The following FRMD6 variants were observed in gnomAD, a reference collection of about 807,000 sequenced individuals.
The protein encoded by FRMD6 is FERM domain-containing protein 6.
FRMD6 carries 37 observed loss-of-function variants against 73.2 expected under a neutral mutation model. The ratio of observed to expected loss-of-function variants is 0.51; its 90% CI spans 0.39 to 0.66. FRMD6 has a LOEUF of 0.66. Ranked by LOEUF, FRMD6 falls within the 30% of genes least tolerant of loss-of-function variation. FRMD6 has a pLI of 0.00. For missense variants in FRMD6, 714 were observed against 780.5 expected, an observed-to-expected ratio of 0.91 and a Z score of 1.02; for synonymous variants, 273 against 282.2, an observed-to-expected ratio of 0.97 and a Z score of 0.33.
the FRMD6 span, among the ~76,000 whole-genome samples, chr14:51,407,157 T>A: frequency 6.6e-6 from 1 of 152,166 alleles, no homozygotes; most frequent in Non-Finnish European, 1.5e-5. Flanking sequence ...TAGTATTATT[T>A]TTTTTAAATG....
At position 51,629,499 on chromosome 14, in the gene FRMD6, G is replaced by C. The variant is rs118155176; in HGVS notation, c.-147+59089G>C. On this transcript the variant is annotated intron_variant, in intron 2 of 14. Coordinates refer to the FRMD6 transcript ENST00000356218. ...CTACCAGCAGTGTATGGGGGTTCCA[G>C]TTGTTCCACATCCTTGTCAACACTT... Among the ~76,000 whole-genome samples the C allele has an allele frequency of 9.7e-4, 147 of 152,288 alleles. 1 individual carries two copies. In the East Asian group the frequency reaches 0.024, roughly 25 times the overall value.
chr14:51,668,967 C>T (rs1311453215), intron 1 of FRMD6, among the ~76,000 whole-genome samples: 1 of 152,046 alleles, frequency 6.6e-6, no homozygotes, highest in Non-Finnish European at 1.5e-5. Flanking sequence ...CCATGCCTGC[C>T]CAAAATCAGC....
At chr14:51,676,272 C>A (rs1894385970) in intron 1 of FRMD6, among the ~76,000 whole-genome samples, 2 of 152,094 alleles carry the variant, frequency 1.3e-5, no homozygotes, top group Non-Finnish European at 2.9e-5. Context: ...ATAAATTTTT[C>A]ATTTGATTGC....
chr14:51,497,637 A>G (rs1831429472), intron 1 of FRMD6, among the ~76,000 whole-genome samples: 1 of 152,272 alleles, frequency 6.6e-6, no homozygotes, highest in Non-Finnish European at 1.5e-5. Context: ...GATGCAGTGT[A>G]TCTAAAACAT....
At chr14:51,606,449 T>C (rs994219872) in intron 2 of FRMD6, among the ~76,000 whole-genome samples, 1 of 152,148 alleles carries the variant, frequency 6.6e-6, no homozygotes, top group African/African-American at 2.4e-5. Flanking sequence ...CTGCAGGCCT[T>C]TTCCAAGGAA....
chr14:51,707,427 G>C (rs1351393472), intron 6 of FRMD6, among the ~76,000 whole-genome samples: 1 of 152,024 alleles, frequency 6.6e-6, no homozygotes, highest in East Asian at 1.9e-4. Flanking sequence ...CTTTCTCTTA[G>C]CCTGCAGCTG....
At chr14:51,412,221 C>T in the FRMD6 span, among the ~76,000 whole-genome samples, 1 of 152,002 alleles carries the variant, frequency 6.6e-6, no homozygotes, top group African/African-American at 2.4e-5. Flanking sequence ...CTTTAGTCAT[C>T]CTTGTATTTT....
intron 1 of FRMD6, among the ~76,000 whole-genome samples, chr14:51,551,773 G>T (rs6572773): frequency 6.6e-6 from 1 of 151,590 alleles, no homozygotes; most frequent in South Asian, 2.1e-4. Context: ...TATAATATAT[G>T]TAATACATTT....
chr14:51,576,411 C>T (rs985590304), intron 2 of FRMD6, among the ~76,000 whole-genome samples: 24 of 152,188 alleles, frequency 1.6e-4, no homozygotes, highest in Admixed American at 7.9e-4. Context: ...TTCAACATAA[C>T]GTAGTTTGCC....
the FRMD6 span, among the ~76,000 whole-genome samples, chr14:51,470,871 A>G: frequency 6.6e-6 from 1 of 152,190 alleles, no homozygotes; most frequent in Non-Finnish European, 1.5e-5. Context: ...TACACTCTGT[A>G]TATTTCATTC....
the FRMD6 span, among the ~76,000 whole-genome samples, chr14:51,447,298 A>G: frequency 3.3e-5 from 5 of 152,206 alleles, no homozygotes; most frequent in South Asian, 1.0e-3. Context: ...ATGCCCTTGG[A>G]AAACACATTG....
chr14:51,529,791 A>G (rs116840188), intron 1 of FRMD6, among the ~76,000 whole-genome samples: 193 of 152,316 alleles, frequency 1.3e-3, no homozygotes, highest in African/African-American at 4.3e-3. Flanking sequence ...CCTTTCTTCC[A>G]GTTAAAGTGA....
In FRMD6 at chr14:51,629,126, G is replaced by A. The variant is rs189044290; in HGVS notation, c.-147+58716G>A. Among the ~76,000 whole-genome samples the A allele has an allele frequency of 2.6e-3, 394 of 152,134 alleles. 4 individuals carry two copies. In the Middle Eastern group the frequency reaches 0.034, roughly 13 times the overall value. On this transcript the variant is annotated intron_variant, in intron 2 of 14. Coordinates refer to the FRMD6 transcript ENST00000356218. Reference sequence around the variant, plus strand: ...TTCCTCCTGATCTTGTGATCCGCCCGCCTCGCCCTCCCAAAGTGCTGGGAT... The same window carrying A: ...TTCCTCCTGATCTTGTGATCCGCCCACCTCGCCCTCCCAAAGTGCTGGGAT...
At chr14:51,445,126 G>T in the FRMD6 span, among the ~76,000 whole-genome samples, 2 of 152,296 alleles carry the variant, frequency 1.3e-5, no homozygotes, top group African/African-American at 4.8e-5. Flanking sequence ...GCATAGATTT[G>T]CTCCCTGCCA....
chr14:51,550,716 T>G (rs192005313), intron 1 of FRMD6, among the ~76,000 whole-genome samples: 115 of 152,260 alleles, frequency 7.6e-4, no homozygotes, highest in African/African-American at 1.9e-3. Flanking sequence ...ACTGTAACTC[T>G]CCTACTCACT....
chr14:51,396,602 C>T, the FRMD6 span, among the ~76,000 whole-genome samples: 1 of 152,196 alleles, frequency 6.6e-6, no homozygotes, highest in African/African-American at 2.4e-5. Context: ...CTCTTTGGCA[C>T]ATACCACACA....
At chr14:51,462,488 G>A in the FRMD6 span, among the ~76,000 whole-genome samples, 14 of 152,064 alleles carry the variant, frequency 9.2e-5, no homozygotes, top group African/African-American at 1.7e-4. Flanking sequence ...TTTAGGACTC[G>A]GGCTTTCCCC....
intron 2 of FRMD6, 21 bp from the exon 3 acceptor site, chr14:51,698,121 T>A: frequency 1.3e-6 from 2 of 1,575,740 alleles, no homozygotes; most frequent in African/African-American, 2.7e-5. Context: ...TTATTTTACG[T>A]CGTGCCTTTT....
chr14:51,425,363 G>A, the FRMD6 span, among the ~76,000 whole-genome samples: 1 of 152,080 alleles, frequency 6.6e-6, no homozygotes, highest in Admixed American at 6.6e-5. Context: ...GATTCTATTT[G>A]TATGTCCATA....
Sources: gnomAD v4.1 joint callset for allele counts (sites outside exome capture counted in the v4.1 genomes callset) on GRCh38, gnomAD v4.1.1 for gene constraint, MANE v1.5 for transcripts, NCBI Gene and HGNC (gene_info 2026-07-23, HGNC 2026-07-21) for gene names.